The following GALK2 variants were observed in gnomAD, a reference collection of about 807,000 sequenced individuals.
The protein encoded by GALK2 is galactokinase 2, also known as N-acetylgalactosamine kinase.
Under a neutral mutation model 52.4 loss-of-function variants are expected in GALK2, and 36 were observed. The observed-to-expected ratio is 0.69, with a 90% CI of 0.53 to 0.91. GALK2 has a LOEUF of 0.91. Among genes scored for constraint, GALK2 ranks in the 40% least tolerant of loss-of-function variants. The probability of loss-of-function intolerance (pLI) is 0.00; values close to 1 mark genes in which losing one functional copy is unlikely to be tolerated. For missense variants in GALK2, 579 were observed against 559.1 expected, an observed-to-expected ratio of 1.04 and a Z score of -0.36; for synonymous variants, 176 against 199.1, an observed-to-expected ratio of 0.88 and a Z score of 0.98.
chr15:49,199,630 C>G (rs558872720), intron 1 of GALK2, among the ~76,000 whole-genome samples: 1 of 151,022 alleles, frequency 6.6e-6, no homozygotes, highest in East Asian at 1.9e-4. Flanking sequence ...GGATACAGGA[C>G]CTAAACTCTG....
At chr15:49,203,904 C>G (rs956588557) in intron 2 of GALK2, among the ~76,000 whole-genome samples, 1 of 152,120 alleles carries the variant, frequency 6.6e-6, no homozygotes, top group Non-Finnish European at 1.5e-5. Context: ...CACTTGAGGT[C>G]AGGAGTTTGA....
In GALK2 at chr15:49,351,760, T is replaced by C. The variant is rs566268992; in HGVS notation, c.427-15731T>C. 2.4e-4 allele frequency among the ~76,000 whole-genome samples: 36 copies of C among 152,004 alleles called. No individual in the cohort carries two copies. In the Middle Eastern group the frequency reaches 0.01, roughly 43 times the overall value. ...CCAATGGATGTCTCAGCTGACCCTA[T>C]AAGGGAGGTCTGAAGCTCAGATGAC... On this transcript the variant is annotated intron_variant, in intron 3 of 3. Coordinates refer to the GALK2 transcript ENST00000558399.
rs571510838 is a variant in GALK2 at position 49,329,828 on chromosome 15, C to G, written c.*1669C>G. Reference sequence around the variant, plus strand: ...GTGTAAAAAAAAAAAAAAAAAGGCACCTGTCATTGTTTTGCTGTTCCATTT... The same window carrying G: ...GTGTAAAAAAAAAAAAAAAAAGGCAGCTGTCATTGTTTTGCTGTTCCATTT... On this transcript the variant is annotated 3_prime_UTR_variant, in exon 10 of 10. Coordinates refer to ENST00000560031, the MANE Select transcript of GALK2 (RefSeq NM_002044.4). 1.7e-6 allele frequency: 1 copy of G among 583,044 alleles called. No individual in the cohort carries two copies. The highest frequency in any genetic ancestry group is 2.1e-6 in the Non-Finnish European group (1 of 465,810). 36.1% of individuals were successfully genotyped at this position (583,044 alleles called of 1,614,324 possible). A position where few individuals can be genotyped will look rare whatever the true frequency, so the allele number is the denominator to read the frequency against.
At chr15:49,183,175 T>C (rs2086096695) in intron 1 of GALK2, among the ~76,000 whole-genome samples, 1 of 152,192 alleles carries the variant, frequency 6.6e-6, no homozygotes, top group African/African-American at 2.4e-5. Flanking sequence ...ATTTCTGCTC[T>C]CATCTTTATT....
chr15:49,344,499 A>C (rs1202992330), intron 3 of GALK2, among the ~76,000 whole-genome samples: 2 of 152,130 alleles, frequency 1.3e-5, no homozygotes, highest in African/African-American at 4.8e-5. Context: ...TTCTCCTCTC[A>C]TCCCCAATTG....
chr15:49,362,700 C>T (rs6493366), intron 3 of GALK2, among the ~76,000 whole-genome samples: 24,540 of 151,962 alleles, frequency 0.16, 3,120 homozygotes, highest in African/African-American at 0.35. Context: ...TTTGCCATTT[C>T]CTACGTTCAG....
intron 4 of GALK2, among the ~76,000 whole-genome samples, chr15:49,236,271 G>A (rs2090801408): frequency 6.6e-6 from 1 of 152,118 alleles, no homozygotes; most frequent in Admixed American, 6.5e-5. Context: ...ATGTATAGGG[G>A]TATACTGTAA....
chr15:49,274,517 A>C (rs185809088), intron 5 of GALK2, among the ~76,000 whole-genome samples: 1 of 152,210 alleles, frequency 6.6e-6, no homozygotes. Context: ...ATGACTGTAC[A>C]CTACTGTAGA....
chr15:49,198,926 C>T lies in GALK2; in HGVS notation c.54-2236C>T, dbSNP rs929972300. Reference sequence around the variant, plus strand: ...AAGACAAGGTCTCATGTTGCCCAGGCTAGAGTGCAGTGGCTACTCGCAGGC... The same window carrying T: ...AAGACAAGGTCTCATGTTGCCCAGGTTAGAGTGCAGTGGCTACTCGCAGGC... On this transcript the variant is annotated intron_variant, in intron 1 of 9. Coordinates refer to ENST00000560031, the MANE Select transcript of GALK2 (RefSeq NM_002044.4). The T allele has an allele frequency of 1.2e-4, 17 of 146,616 alleles. No individual in the cohort carries two copies. The Admixed American group carries it at 1.2e-3, about 10-fold the overall frequency. 9.1% of individuals were successfully genotyped at this position (146,616 alleles called of 1,614,324 possible). A position where few individuals can be genotyped will look rare whatever the true frequency, so the allele number is the denominator to read the frequency against.
intron 3 of GALK2, among the ~76,000 whole-genome samples, chr15:49,232,317 T>C (rs2090546876): frequency 1.3e-5 from 2 of 152,196 alleles, no homozygotes; most frequent in Non-Finnish European, 2.9e-5. Flanking sequence ...GGTCAGGATA[T>C]GGGGAGCAGT....
chr15:49,219,867 G>T (rs1288795469), intron 3 of GALK2, among the ~76,000 whole-genome samples: 1 of 151,954 alleles, frequency 6.6e-6, no homozygotes, highest in Non-Finnish European at 1.5e-5. Context: ...TTTCACCAGT[G>T]GTGTTACTAA....
At chr15:49,356,078 C>T (rs1038697615) in intron 3 of GALK2, among the ~76,000 whole-genome samples, 7 of 144,380 alleles carry the variant, frequency 4.8e-5, no homozygotes, top group African/African-American at 8.4e-5. Flanking sequence ...CTTACAAGAG[C>T]TCCTGAAGGA....
At chr15:49,299,735 T>TTTCTTTTTTTTC (rs1347140534) in intron 8 of GALK2, among the ~76,000 whole-genome samples, 1 of 77,530 alleles carries the variant, frequency 1.3e-5, no homozygotes, top group African/African-American at 5.6e-5. Context: ...TCTTTCTTTC[T>TTTCTTTTTTTTC]TTTCTTTCTT....
chr15:49,213,463 T>A (rs2089104388), intron 2 of GALK2, among the ~76,000 whole-genome samples: 1 of 152,196 alleles, frequency 6.6e-6, no homozygotes, highest in African/African-American at 2.4e-5. Flanking sequence ...GTCTAGGTTT[T>A]AAGCCCCGCA....
chr15:49,170,062 A>C (rs2084958370), upstream of GALK2: 3 of 641,632 alleles, frequency 4.7e-6, no homozygotes, highest in South Asian at 7.1e-5. Context: ...GCGAGGCCCT[A>C]GTCCCTCCCT....
At chr15:49,290,850 T>C (rs1460614443) in intron 7 of GALK2, among the ~76,000 whole-genome samples, 6 of 152,234 alleles carry the variant, frequency 3.9e-5, no homozygotes, top group Admixed American at 3.3e-4. Flanking sequence ...ATAGTTATCA[T>C]GCATACCTCA....
At chr15:49,223,068 T>C (rs752533056) in intron 3 of GALK2, 3 of 152,230 alleles carry the variant, frequency 2.0e-5, no homozygotes, top group Non-Finnish European at 4.4e-5. Flanking sequence ...TGGTACTTGT[T>C]ACTAGTCTGT....
chr15:49,301,592 C>A (rs2035120296), intron 8 of GALK2, among the ~76,000 whole-genome samples: 1 of 151,640 alleles, frequency 6.6e-6, no homozygotes, highest in African/African-American at 2.4e-5. Flanking sequence ...GGTAAATGGG[C>A]AGTGAAGTAG....
chr15:49,212,410 T>C (rs1162978702), intron 2 of GALK2, among the ~76,000 whole-genome samples: 2 of 152,166 alleles, frequency 1.3e-5, no homozygotes, highest in Non-Finnish European at 2.9e-5. Flanking sequence ...TTTTACTTAG[T>C]GTGGCTAAAG....
Sources: gnomAD v4.1 joint callset for allele counts (sites outside exome capture counted in the v4.1 genomes callset) on GRCh38, gnomAD v4.1.1 for gene constraint, MANE v1.5 for transcripts, NCBI Gene and HGNC (gene_info 2026-07-23, HGNC 2026-07-21) for gene names.